The following STXBP4 variants were observed in gnomAD, a reference collection of about 807,000 sequenced individuals.
STXBP4 encodes syntaxin-binding protein 4.
Under a neutral mutation model 76.1 loss-of-function variants are expected in STXBP4, and 55 were observed. That is an observed-to-expected ratio of 0.72 (90% CI 0.58 to 0.91). STXBP4 has a LOEUF of 0.91. Among genes scored for constraint, STXBP4 ranks in the 40% least tolerant of loss-of-function variants. The probability of loss-of-function intolerance (pLI) is 0.00; values close to 1 mark genes in which losing one functional copy is unlikely to be tolerated. For synonymous variants in STXBP4, 201 were observed against 220.2 expected (o/e 0.91, Z 0.77); for missense variants, 618 against 636.9 (o/e 0.97, Z 0.32).
intron 9 of STXBP4, among the ~76,000 whole-genome samples, chr17:55,033,349 G>A (rs1035219686): frequency 1.3e-5 from 2 of 151,962 alleles, no homozygotes; most frequent in Non-Finnish European, 2.9e-5. Context: ...ACTCCAGCCT[G>A]GGTGACAGAG....
chr17:55,108,112 C>T (rs1434556208), intron 16 of STXBP4, among the ~76,000 whole-genome samples: 2 of 152,152 alleles, frequency 1.3e-5, no homozygotes, highest in Non-Finnish European at 2.9e-5. Flanking sequence ...TCAGAGATGC[C>T]CTGCCCAGAG....
rs2080370011 is a variant in STXBP4, at chr17:55,165,113, A to C, written c.*5202A>C. 6.6e-6 allele frequency: 1 copy of C among 152,220 alleles called. No individual in the cohort carries two copies. The highest frequency in any genetic ancestry group is 1.5e-5 in the Non-Finnish European group (1 of 68,034). The allele number at this position is 152,220 out of a possible 1,614,324, so 9.4% of individuals were successfully genotyped here. A position where few individuals can be genotyped will look rare whatever the true frequency, so the allele number is the denominator to read the frequency against. On this transcript the variant is annotated 3_prime_UTR_variant, in exon 18 of 18. Transcript: ENST00000376352. ...TTACGTTAACAAAGAGTGTGATATCAGAAAGCAGAAAAAAGCATGTTCTTT... is the reference window on the plus strand; with the variant it reads ...TTACGTTAACAAAGAGTGTGATATCCGAAAGCAGAAAAAAGCATGTTCTTT...
Position 55,159,875 on chromosome 17 carries a change from G to A in STXBP4, c.1626G>A (p.Glu542=). 11 of 1,613,842 alleles carry A rather than the reference G, an allele frequency of 6.8e-6. No homozygotes were observed. The highest frequency in any genetic ancestry group is 1.3e-5 in the African/African-American group (1 of 75,014). ...LNLSRSEENE[E]DCSRELPNQK... is the part of the protein sequence containing the mutation. ...TATCTCGCTCAGAGGAGAATGAAGA[G>A]GATTGCTCTAGAGAACTCCCCAACC... Residue 542 remains glutamate, a synonymous_variant, in exon 18 of 18, where the codon GAG becomes GAA. Transcript: ENST00000376352.
At chr17:55,182,054 T>C in the STXBP4 span, among the ~76,000 whole-genome samples, 4 of 152,212 alleles carry the variant, frequency 2.6e-5, no homozygotes, top group Non-Finnish European at 5.9e-5. Context: ...CCTACTTATC[T>C]TCCATAAATA....
At chr17:55,131,215 G>A (rs1206423069) in intron 16 of STXBP4, among the ~76,000 whole-genome samples, 1 of 152,138 alleles carries the variant, frequency 6.6e-6, no homozygotes, top group Admixed American at 6.5e-5. Context: ...ATTCTAACAG[G>A]TGTGAAGTGA....
intron 8 of STXBP4, among the ~76,000 whole-genome samples, chr17:55,012,668 GC>G (rs2078135966): frequency 6.6e-6 from 1 of 152,096 alleles, no homozygotes; most frequent in South Asian, 2.1e-4. Context: ...TAATTCTAGT[GC>G]CCCAATGAGG....
chr17:54,999,759 C>G lies in STXBP4; in HGVS notation c.415C>G (p.Leu139Val). The change falls in exon 6 of 18, where the codon CTT becomes GTT. Residue 139 changes from leucine to valine, a missense_variant. Leu to Val is a conservative substitution (Grantham distance 32). Transcript: ENST00000376352. ...EYGPQASTLS[L>V]FSSPPEILIP... ...TGGACCTCAAGCCTCAACATTAAGT[C>G]TTTTTTCTTCTCCTCCTGAAATACT... 1 of 1,613,522 alleles carries G rather than the reference C, an allele frequency of 6.2e-7. No individual in the cohort carries two copies. The highest frequency in any genetic ancestry group is 1.1e-5 in the South Asian group (1 of 91,056).
chr17:55,116,050 G>T (rs921868381), intron 16 of STXBP4, among the ~76,000 whole-genome samples: 2 of 151,778 alleles, frequency 1.3e-5, no homozygotes, highest in Admixed American at 6.6e-5. Flanking sequence ...AGGGAGCGGT[G>T]CCTTATTTGA....
At chr17:55,195,654 T>G in the STXBP4 span, among the ~76,000 whole-genome samples, 4 of 152,190 alleles carry the variant, frequency 2.6e-5, no homozygotes. Context: ...CAGGCTGGTC[T>G]TGAACTCCTG....
chr17:54,978,703 A>C (rs1411135685), intron 1 of STXBP4, among the ~76,000 whole-genome samples: 2 of 152,212 alleles, frequency 1.3e-5, no homozygotes, highest in Non-Finnish European at 2.9e-5. Context: ...TCTTTATCCA[A>C]ATAATATATC....
intron 15 of STXBP4, among the ~76,000 whole-genome samples, 153 bp downstream of exon 15, chr17:55,078,888 A>G (rs1383557755): frequency 6.6e-6 from 1 of 152,206 alleles, no homozygotes; most frequent in African/African-American, 2.4e-5. Flanking sequence ...ATGCAAGGAC[A>G]TATTGTTTTG....
Position 55,122,177 on chromosome 17 carries a change from C to A in STXBP4, c.1490-19133C>A, listed in dbSNP as rs534563290. 4.1e-4 allele frequency among the ~76,000 whole-genome samples: 63 copies of A among 152,268 alleles called. 1 individual carries two copies. In the South Asian group the frequency reaches 0.012, roughly 30 times the overall value. On this transcript the variant is annotated intron_variant, in intron 16 of 17. Coordinates refer to ENST00000376352, the MANE Select transcript of STXBP4 (RefSeq NM_178509.6). ...TCTTGGGACATAAATCCTCAACAAA[C>A]CGTTGTTAAACGTTTATTATGCACC...
At chr17:55,146,926 A>C (rs1340013734) in intron 17 of STXBP4, among the ~76,000 whole-genome samples, 3 of 152,182 alleles carry the variant, frequency 2.0e-5, no homozygotes, top group African/African-American at 7.2e-5. Context: ...GTCTTTTATA[A>C]CCAATGTCAG....
At chr17:55,191,637 C>G in the STXBP4 span, among the ~76,000 whole-genome samples, 5 of 152,198 alleles carry the variant, frequency 3.3e-5, no homozygotes, top group Non-Finnish European at 7.4e-5. Flanking sequence ...CAGTCTCTGA[C>G]TCTTTTTCTA....
At chr17:54,992,504 A>G (rs1450539209) in intron 4 of STXBP4, among the ~76,000 whole-genome samples, 1 of 151,788 alleles carries the variant, frequency 6.6e-6, no homozygotes, top group African/African-American at 2.4e-5. Flanking sequence ...TTTAAAAGCT[A>G]AATTTAAACA....
chr17:54,977,490 C>T (rs1274128750), intron 1 of STXBP4, among the ~76,000 whole-genome samples: 1 of 152,102 alleles, frequency 6.6e-6, no homozygotes, highest in Non-Finnish European at 1.5e-5. Flanking sequence ...AGGTTATGTG[C>T]AAATACTACA....
chr17:55,073,813 G>A (rs1310548639), intron 13 of STXBP4, among the ~76,000 whole-genome samples: 2 of 152,134 alleles, frequency 1.3e-5, no homozygotes, highest in East Asian at 3.9e-4. Flanking sequence ...TATTTTTGTA[G>A]AGACAGGGTT....
rs372888202 is a variant in STXBP4, at chr17:55,064,611, C to T, written c.1012-8289C>T. Among the ~76,000 whole-genome samples, 24 of 152,076 alleles carry T rather than the reference C, an allele frequency of 1.6e-4. No homozygotes were observed. In the South Asian group the frequency reaches 4.2e-3, roughly 26 times the overall value. On this transcript the variant is annotated intron_variant, in intron 12 of 17. Transcript: ENST00000376352. Reference sequence around the variant, plus strand: ...CGGGTTCAAGCGATTCTACTGCCTCCGCCTCCTGAGTAGCTGGGATTGCAG... The same window carrying T: ...CGGGTTCAAGCGATTCTACTGCCTCTGCCTCCTGAGTAGCTGGGATTGCAG...
the STXBP4 span, among the ~76,000 whole-genome samples, chr17:55,180,810 A>G: frequency 3.3e-5 from 5 of 152,206 alleles, no homozygotes; most frequent in African/African-American, 9.6e-5. Flanking sequence ...GGAGTTTCCC[A>G]TGAAGAGACT....
Sources: allele counts gnomAD v4.1 joint callset (sites outside exome capture counted in the v4.1 genomes callset), GRCh38; gene constraint gnomAD v4.1.1; transcripts MANE v1.5; gene names NCBI Gene and HGNC (gene_info 2026-07-23, HGNC 2026-07-21).